SNX16: variants seen among roughly 807,000 people sequenced by gnomAD.
The protein encoded by SNX16 is sorting nexin-16.
SNX16 carries 35 observed loss-of-function variants against 36.7 expected under a neutral mutation model. That is an observed-to-expected ratio of 0.95 (90% confidence interval 0.73 to 1.27). The LOEUF is 1.27. Ranked by LOEUF, SNX16 falls within the 50% of genes most tolerant of loss-of-function variation. The pLI, the probability that SNX16 is intolerant of heterozygous loss-of-function variation, is 0.00. For missense variants in SNX16, 367 were observed against 393.6 expected (o/e 0.93, Z 0.57); for synonymous variants, 134 against 132.0 (o/e 1.02, Z -0.10).
intron 4 of SNX16, among the ~76,000 whole-genome samples, chr8:81,819,739 T>A (rs1190007073): frequency 6.6e-6 from 1 of 152,104 alleles, no homozygotes; most frequent in East Asian, 1.9e-4. Flanking sequence ...GTTTATTATG[T>A]AAATATTAAT....
chr8:81,820,316 T>C (rs1810681931), intron 4 of SNX16, among the ~76,000 whole-genome samples: 1 of 152,116 alleles, frequency 6.6e-6, no homozygotes. Context: ...ATCAAGCTTT[T>C]GTCTGATGAA....
At chr8:81,833,273 C>G (rs1471355205) in intron 2 of SNX16, among the ~76,000 whole-genome samples, 1 of 151,252 alleles carries the variant, frequency 6.6e-6, no homozygotes, top group Non-Finnish European at 1.5e-5. Context: ...GCCCTAAAGA[C>G]CATTCATTAG....
rs998140500 is a variant in SNX16, at chr8:81,803,304, C to G, written c.682-76G>C. The stretch of plus-strand genomic sequence containing the variant: ...TTAATTACAAATGCAGTATCTTTCT[C>G]AAGAGCATTATTGAAGAGTCAAAGA... On this transcript the variant is annotated intron_variant, in intron 5 of 7. Transcript: ENST00000345957. 4 of 1,398,148 alleles carry G rather than the reference C, an allele frequency of 2.9e-6. No individual in the cohort carries two copies. In the African/African-American group the frequency reaches 4.4e-5, roughly 15 times the overall value. The allele number at this position is 1,398,148 out of a possible 1,614,324, so 86.6% of individuals were successfully genotyped here.
Position 81,801,401 on chromosome 8 carries a change from A to G in SNX16, c.*96T>C, listed in dbSNP as rs952188776. ...TACATGTGCATTCTTGCTCTTTTCT[A>G]TATGTTTTACAGTTCTTGGTTCTTC... On this transcript the variant is annotated 3_prime_UTR_variant, in exon 8 of 8. Coordinates refer to ENST00000345957, the MANE Select transcript of SNX16 (RefSeq NM_152836.3). 4.1e-5 allele frequency: 27 copies of G among 652,712 alleles called. No individual in the cohort carries two copies. The highest frequency in any genetic ancestry group is 9.1e-5 in the Admixed American group (3 of 32,964). The allele number at this position is 652,712 out of a possible 1,614,324, so 40.4% of individuals were successfully genotyped here.
At chr8:81,837,963 A>G (rs1811564615) in intron 2 of SNX16, among the ~76,000 whole-genome samples, 1 of 152,248 alleles carries the variant, frequency 6.6e-6, no homozygotes, top group African/African-American at 2.4e-5. Context: ...ATAAATTTAC[A>G]GCATGAAACA....
At chr8:81,805,404 A>G (rs1355176660) in intron 5 of SNX16, among the ~76,000 whole-genome samples, 1 of 152,180 alleles carries the variant, frequency 6.6e-6, no homozygotes, top group Admixed American at 6.5e-5. Context: ...AAAGCATCCA[A>G]TTAAAGAAGT....
chr8:81,832,904 C>T (rs983373122), intron 2 of SNX16, among the ~76,000 whole-genome samples: 1 of 150,602 alleles, frequency 6.6e-6, no homozygotes, highest in Non-Finnish European at 1.5e-5. Flanking sequence ...AACTTCTTTT[C>T]TGGACATTTG....
chr8:81,809,506 T>C (rs1810125069), intron 5 of SNX16, among the ~76,000 whole-genome samples: 1 of 151,178 alleles, frequency 6.6e-6, no homozygotes, highest in African/African-American at 2.4e-5. Context: ...TTAGGAGAAA[T>C]ATTTTTATGT....
Position 81,839,660 on chromosome 8 carries a change from T to C in SNX16, c.327A>G (p.Thr109=), listed in dbSNP as rs1374033107. ...ETVNWEDRPS[T]PTILGYEVME... ...TCACTTCATAACCCAGTATAGTAGG[T>C]GTAGATGGTCTATCTTCCCAATTCA... is the stretch of plus-strand genomic sequence containing the variant. The change falls in exon 2 of 8, where the codon ACA becomes ACG. Residue 109 remains threonine, a synonymous_variant. Coordinates refer to ENST00000345957, the MANE Select transcript of SNX16 (RefSeq NM_152836.3). The C allele has an allele frequency of 5.0e-6, 8 of 1,613,720 alleles. No individual in the cohort carries two copies. The highest frequency in any genetic ancestry group is 5.9e-6 in the Non-Finnish European group (7 of 1,179,810).
At chr8:81,821,553 T>C (rs1810742600) in intron 4 of SNX16, among the ~76,000 whole-genome samples, 1 of 152,098 alleles carries the variant, frequency 6.6e-6, no homozygotes, top group African/African-American at 2.4e-5. Context: ...TGGTGTTTAC[T>C]GGTTTTTATT....
At chr8:81,814,111 C>G (rs926774179) in intron 5 of SNX16, among the ~76,000 whole-genome samples, 2 of 151,888 alleles carry the variant, frequency 1.3e-5, no homozygotes, top group African/African-American at 4.8e-5. Context: ...TCACACAAAA[C>G]ATTATATGAA....
intron 5 of SNX16, chr8:81,807,944 G>C (rs1225544754): frequency 8.9e-6 from 7 of 782,422 alleles, no homozygotes; most frequent in Middle Eastern, 3.5e-4. Context: ...AGGGGCTTTG[G>C]GTTTGTCACA....
At chr8:81,821,839 C>T (rs751932560) in intron 4 of SNX16, among the ~76,000 whole-genome samples, 1 of 152,000 alleles carries the variant, frequency 6.6e-6, no homozygotes, top group Non-Finnish European at 1.5e-5. Context: ...GCCACATGAC[C>T]TGTTGTTAAA....
intron 3 of SNX16, among the ~76,000 whole-genome samples, chr8:81,825,312 T>C (rs567599591): frequency 2.0e-5 from 3 of 152,330 alleles, no homozygotes; most frequent in African/African-American, 7.2e-5. Context: ...ATTTATTTCT[T>C]TAATGACATC....
rs1467948683 is a variant in SNX16 at position 81,800,667 on chromosome 8, C to CT, written c.*829dup. 1 of 152,156 alleles carries CT rather than the reference C, an allele frequency of 6.6e-6. No homozygotes were observed. Among genetic ancestry groups the CT allele is most frequent in the Non-Finnish European group, 1.5e-5 (1 of 67,662 alleles). The allele number at this position is 152,156 out of a possible 1,614,324, so 9.4% of individuals were successfully genotyped here. Reference sequence around the variant, plus strand: ...TGCAGTATATATGGCTTTTTATTTTCTTTTTTGTATAAGCCCCTATTTATT... The same window carrying CT: ...TGCAGTATATATGGCTTTTTATTTTCTTTTTTTGTATAAGCCCCTATTTATT... On this transcript the variant is annotated 3_prime_UTR_variant, in exon 8 of 8. Transcript: ENST00000345957.
chr8:81,819,513 T>C (rs1005446424), intron 4 of SNX16, among the ~76,000 whole-genome samples: 1 of 152,082 alleles, frequency 6.6e-6, no homozygotes, highest in Non-Finnish European at 1.5e-5. Context: ...TATCACCCTC[T>C]GCGAAACCTT....
chr8:81,833,046 T>C (rs960936898), intron 2 of SNX16, among the ~76,000 whole-genome samples: 2 of 151,814 alleles, frequency 1.3e-5, no homozygotes, highest in Non-Finnish European at 2.9e-5. Context: ...TTTCAAAGAT[T>C]TAATGTGAAA....
intron 2 of SNX16, among the ~76,000 whole-genome samples, chr8:81,837,774 C>T (rs553468436): frequency 6.6e-6 from 1 of 152,212 alleles, no homozygotes; most frequent in South Asian, 2.1e-4. Context: ...TCAATAAATG[C>T]CTATTTCTTA....
At chr8:81,819,620 T>C (rs1810643581) in intron 4 of SNX16, among the ~76,000 whole-genome samples, 1 of 152,090 alleles carries the variant, frequency 6.6e-6, no homozygotes, top group African/African-American at 2.4e-5. Flanking sequence ...TCTATTCAGT[T>C]TTTTTAAATA....
Sources: allele counts gnomAD v4.1 joint callset (sites outside exome capture counted in the v4.1 genomes callset), GRCh38; gene constraint gnomAD v4.1.1; transcripts MANE v1.5; gene names NCBI Gene and HGNC (gene_info 2026-07-23, HGNC 2026-07-21).